Variants in SLX4 observed in about 807,000 individuals in gnomAD.
SLX4 encodes the protein SLX4 structure-specific endonuclease subunit.
A neutral mutation model predicts 146.2 loss-of-function variants in SLX4; 112 were observed. The ratio of observed to expected loss-of-function variants is 0.77; its 90% CI spans 0.66 to 0.90. The LOEUF (loss-of-function observed/expected upper bound fraction) is 0.90, where lower values mean the gene tolerates loss of function less well. Ranked by LOEUF, SLX4 falls within the 40% of genes least tolerant of loss-of-function variation. The pLI is 0.00. For missense variants in SLX4, 2,563 were observed against 2,392.7 expected, an observed-to-expected ratio of 1.07 and a Z score of -1.49; for synonymous variants, 1,061 against 997.7, an observed-to-expected ratio of 1.06 and a Z score of -1.20.
rs1020803611 is a variant in SLX4 at position 3,594,305 on chromosome 16, G to A, written c.2160+148C>T. On this transcript the variant is annotated intron_variant, in intron 10 of 14. Transcript: ENST00000294008. ...GTTGCAGAAACGGATGGTTGGGAGG[G>A]AGAAGGTGAGAACATGGTGGGGCAG... The A allele has an allele frequency of 6.2e-6, 7 of 1,135,132 alleles. No homozygotes were observed. The Admixed American group carries it at 1.0e-4, about 16-fold the overall frequency. 70.3% of individuals were successfully genotyped at this position (1,135,132 alleles called of 1,614,324 possible).
At chr16:3,610,070 T>G (rs1173566171) in intron 1 of SLX4, among the ~76,000 whole-genome samples, 3 of 152,244 alleles carry the variant, frequency 2.0e-5, no homozygotes, top group Non-Finnish European at 2.9e-5. Flanking sequence ...GACTGGAATG[T>G]CGCCTGTGTG....
rs1276786771 is a variant in SLX4, at chr16:3,591,001, C to T, written c.2637G>A (p.Trp879Ter). The T allele has an allele frequency of 6.2e-7, 1 of 1,614,212 alleles. No homozygotes were observed. The highest frequency in any genetic ancestry group is 2.2e-5 in the East Asian group (1 of 44,878). Residue 879 changes from tryptophan to a stop codon, truncating the protein, a stop_gained, in exon 12 of 15, where the codon TGG becomes TGA. Coordinates refer to ENST00000294008, the MANE Select transcript of SLX4 (RefSeq NM_032444.4). LOFTEE classifies it high-confidence loss of function. ...RAAGAGEDAD[W>*]LEGGSPVSGQ... Reference sequence around the variant, plus strand: ...CAGAAACCGGACTGCCACCCTCCAGCCAGTCAGCGTCCTCGCCGGCACCCG... The same window carrying T: ...CAGAAACCGGACTGCCACCCTCCAGTCAGTCAGCGTCCTCGCCGGCACCCG...
In SLX4 at chr16:3,597,657, G is replaced by A. The variant is rs763833617; in HGVS notation, c.1405C>T (p.Pro469Ser). The change falls in exon 7 of 15, where the codon CCA becomes TCA. Residue 469 changes from proline to serine, a missense_variant. Transcript: ENST00000294008. The surrounding 1 kb of genome is among the most constrained non-coding windows in gnomAD (Gnocchi z 4.4). Reference sequence around the variant, plus strand: ...TCAGAGTCCTGGACTAACAACAATGGGGGGGATACCGGGGGTTTCTTCTTG... The same window carrying A: ...TCAGAGTCCTGGACTAACAACAATGAGGGGGATACCGGGGGTTTCTTCTTG... ...SRKKKPPVSP[P>S]LLLVQDSETT... 22 of 1,613,898 alleles carry A rather than the reference G, an allele frequency of 1.4e-5. No homozygotes were observed. The highest frequency in any genetic ancestry group is 9.3e-5 in the African/African-American group (7 of 74,906).
rs372790089 is a variant in SLX4, at chr16:3,601,090, C to T, written c.1052G>A (p.Ser351Asn). The T allele has an allele frequency of 6.2e-7, 1 of 1,614,074 alleles. No individual in the cohort carries two copies. The highest frequency in any genetic ancestry group is 8.5e-7 in the Non-Finnish European group (1 of 1,180,056). The change falls in exon 5 of 15, where the codon AGT (serine) becomes AAT (asparagine). Residue 351 changes from serine to asparagine, a missense_variant. Transcript: ENST00000294008. ...KPFLTLKSRTSHLKQCAVKME... is the reference protein window; with the variant it reads ...KPFLTLKSRTNHLKQCAVKME... The stretch of plus-strand genomic sequence containing the variant: ...CTTCACAGCACACTGCTTCAAGTGA[C>T]TGGTTCTGCTCTTTAAGGTAAGAAA...
Position 3,590,942 on chromosome 16 carries a change from T to A in SLX4, c.2696A>T (p.Gln899Leu), listed in dbSNP as rs1271024061. ...CTCCATCTCCTCCACCTTGTCCCAC[T>A]GTTTCTGCACCTGGACACCTGCTAG... Reference protein sequence around the residue: ...QLLAGVQVQKQWDKVEEMEPL... With the variant: ...QLLAGVQVQKLWDKVEEMEPL... Residue 899 changes from glutamine (Q) to leucine (L), a missense_variant, in exon 12 of 15, where the codon CAG becomes CTG. Transcript: ENST00000294008. This position sits in a 1 kb window ranked among gnomAD's most constrained non-coding sequence, Gnocchi z 4.8. 3 of 1,614,222 alleles carry A rather than the reference T, an allele frequency of 1.9e-6. No individual in the cohort carries two copies. In the Admixed American group the frequency reaches 5.0e-5, roughly 27 times the overall value.
At chr16:3,595,802 G>C in intron 8 of SLX4, 109 bp from the exon 9 acceptor site, 3 of 1,280,552 alleles carry the variant, frequency 2.3e-6, no homozygotes, top group African/African-American at 1.5e-5. Context: ...GCCTCGGAAG[G>C]TGCTTGCTAT....
At chr16:3,610,604 C>G (rs761135435) in intron 1 of SLX4, among the ~76,000 whole-genome samples, 4 of 152,218 alleles carry the variant, frequency 2.6e-5, no homozygotes, top group Non-Finnish European at 4.4e-5. Context: ...ACAGCTTTCA[C>G]AGTGGCAGGG....
intron 9 of SLX4, among the ~76,000 whole-genome samples, chr16:3,595,218 G>A (rs1430867096): frequency 6.6e-6 from 1 of 152,230 alleles, no homozygotes; most frequent in Non-Finnish European, 1.5e-5. Flanking sequence ...GGGAGGGAGA[G>A]CAAGCCCTTG....
rs766933013 is a variant in SLX4, at chr16:3,589,023, G to A, written c.4615C>T (p.Pro1539Ser). The A allele has an allele frequency of 5.0e-6, 8 of 1,613,970 alleles. No individual in the cohort carries two copies. In the African/African-American group the frequency reaches 9.3e-5, roughly 19 times the overall value. ...QMPSAGGAQK[P>S]EGLETPKGAN... ...TCACTGGGTGTCTCTAACCCTTCGG[G>A]CTTCTGAGCTCCACCAGCGCTTGGC... Residue 1539 changes from proline to serine, a missense_variant, in exon 12 of 15, where the codon CCC (proline) becomes TCC (serine). Pro to Ser is a moderately conservative substitution (Grantham distance 74). Transcript: ENST00000294008. This position sits in a 1 kb window ranked among gnomAD's most constrained non-coding sequence, Gnocchi z 6.2.
At chr16:3,598,070 T>C in intron 5 of SLX4, 71 bp from the exon 6 acceptor site, 1 of 1,575,144 alleles carries the variant, frequency 6.3e-7, no homozygotes, top group Non-Finnish European at 8.7e-7. Flanking sequence ...GTCACACTGG[T>C]CTGGAGAGGG....
intron 2 of SLX4, among the ~76,000 whole-genome samples, chr16:3,606,986 A>T (rs2040793181): frequency 6.6e-6 from 1 of 152,218 alleles, no homozygotes; most frequent in Non-Finnish European, 1.5e-5. Flanking sequence ...TGGTGGTTGG[A>T]CAAGTCTGTG....
chr16:3,599,384 C>A (rs1047130834), intron 5 of SLX4, among the ~76,000 whole-genome samples: 3 of 152,224 alleles, frequency 2.0e-5, no homozygotes, highest in African/African-American at 7.2e-5. Flanking sequence ...TCACTATGAA[C>A]CTGGTGTCAG....
chr16:3,592,554 GGT>G (rs1482445703), intron 11 of SLX4, 143 bp downstream of exon 11: 2 of 1,007,158 alleles, frequency 2.0e-6, no homozygotes, highest in African/African-American at 3.2e-5. Flanking sequence ...GGTCATCACT[GGT>G]CATGGACTTG....
Position 3,582,543 on chromosome 16 carries a change from C to G in SLX4, c.5304G>C (p.Gln1768His), listed in dbSNP as rs1555449297. The stretch of plus-strand genomic sequence containing the variant: ...CAAAGGGCTGGTACAGCAGCACCTT[C>G]TGGTACAGGGCCGGCTTGGAGCGGA... The part of the protein sequence containing the change: ...CYIRSKPALY[Q>H]KVLLYQPFEL... The change falls in exon 15 of 15, where the codon CAG becomes CAC. Residue 1768 changes from glutamine (Q) to histidine (H), a missense_variant. Transcript: ENST00000294008. The G allele has an allele frequency of 1.2e-6, 2 of 1,613,868 alleles. No individual in the cohort carries two copies. The highest frequency in any genetic ancestry group is 2.7e-5 in the African/African-American group (2 of 74,942).
chr16:3,583,641 ACTTCTGTGAG>A lies in SLX4; in HGVS notation c.4740-141_4740-132del, dbSNP rs2040470937. On this transcript the variant is annotated intron_variant, in intron 13 of 14. Transcript: ENST00000294008. ...TTGTGTGACAAACCATAGATGCCTG[ACTTCTGTGAG>A]CATCAGAGGTTAGTGTCTATTCTAG... 3.1e-6 allele frequency: 3 copies of A among 965,156 alleles called. No homozygotes were observed. In the East Asian group the frequency reaches 7.4e-5, roughly 24 times the overall value. 59.8% of individuals were successfully genotyped at this position (965,156 alleles called of 1,614,324 possible).
rs141687678 is a variant in SLX4 at position 3,596,370 on chromosome 16, C to T, written c.1707G>A (p.Pro569=). ...PAQGLMQEPV[P]PLVPPEHSEL... Reference sequence around the variant, plus strand: ...CTGAGTGCTCAGGTGGCACCAGAGGCGGCACGGGCTCCTGCATAAGGCCCT... The same window carrying T: ...CTGAGTGCTCAGGTGGCACCAGAGGTGGCACGGGCTCCTGCATAAGGCCCT... Residue 569 remains proline, a synonymous_variant, in exon 8 of 15, where the codon CCG becomes CCA. Transcript: ENST00000294008. The T allele has an allele frequency of 1.3e-4, 204 of 1,596,398 alleles. 1 individual carries two copies. Among genetic ancestry groups the T allele is most frequent in the African/African-American group, 1.2e-3 (91 of 74,836 alleles).
At chr16:3,586,890 G>A (rs531672650) in intron 12 of SLX4, among the ~76,000 whole-genome samples, 15 of 151,870 alleles carry the variant, frequency 9.9e-5, no homozygotes, top group African/African-American at 3.4e-4. Context: ...CTTGAAAACT[G>A]TATGCTAACT....
intron 8 of SLX4, among the ~76,000 whole-genome samples, 154 bp from the exon 9 acceptor site, chr16:3,595,847 C>T (rs1470557282): frequency 1.3e-5 from 2 of 152,180 alleles, no homozygotes; most frequent in Non-Finnish European, 2.9e-5. Context: ...AACCCGCACA[C>T]CCTGTCTCAC....
intron 10 of SLX4, 67 bp downstream of exon 10, chr16:3,594,386 T>C (rs776165849): frequency 1.9e-5 from 30 of 1,562,046 alleles, no homozygotes; most frequent in Non-Finnish European, 2.4e-5. Context: ...GAAGACCTGG[T>C]TGGAGAAAGG....
Sources: allele counts gnomAD v4.1 joint callset (sites outside exome capture counted in the v4.1 genomes callset), GRCh38; gene constraint gnomAD v4.1.1; non-coding constraint Gnocchi (gnomAD v3.1); transcripts MANE v1.5; gene names NCBI Gene and HGNC (gene_info 2026-07-23, HGNC 2026-07-21).